The following ARL15 variants were observed in gnomAD, a reference collection of about 807,000 sequenced individuals.
ARL15 encodes ADP-ribosylation factor-like protein 15.
A neutral mutation model predicts 25.2 loss-of-function variants in ARL15; 19 were observed. The observed-to-expected ratio is 0.75, with a 90% CI of 0.53 to 1.10. The LOEUF is 1.10. Among genes scored for constraint, ARL15 ranks in the 50% least tolerant of loss-of-function variants. The pLI is 0.00. For missense variants in ARL15, 220 were observed against 246.0 expected (o/e 0.89, Z 0.71); for synonymous variants, 94 against 86.8 (o/e 1.08, Z -0.46).
In ARL15 at chr5:54,212,113, ACT is replaced by A. The variant is rs540288124; in HGVS notation, c.49-40187_49-40186del. Among the ~76,000 whole-genome samples the A allele has an allele frequency of 2.8e-3, 429 of 152,178 alleles. 2 individuals are homozygous for A. The highest frequency in any genetic ancestry group is 0.01 in the African/African-American group (417 of 41,526). On this transcript the variant is annotated intron_variant, in intron 1 of 4. Coordinates refer to ENST00000504924, the MANE Select transcript of ARL15 (RefSeq NM_019087.3). ...ATATAGTCTCCGTCACAATTACTCAACTCTGTCATAGCATGAAGGCAGCCACA... is the reference window on the plus strand; with the variant it reads ...ATATAGTCTCCGTCACAATTACTCAACTGTCATAGCATGAAGGCAGCCACA...
At chr5:53,940,642 A>T (rs111792659) in intron 4 of ARL15, among the ~76,000 whole-genome samples, 3 of 152,208 alleles carry the variant, frequency 2.0e-5, no homozygotes, top group Non-Finnish European at 4.4e-5. Flanking sequence ...GCATTTTTCT[A>T]TGCTTAAACA....
chr5:54,270,381 C>T (rs35920), intron 1 of ARL15, among the ~76,000 whole-genome samples: 139,310 of 152,248 alleles, frequency 0.92, 64,467 homozygotes, highest in African/African-American at 0.98. Context: ...ATAGAGTAGT[C>T]GTGAAAGGGG....
At chr5:54,182,759 T>C (rs1328895407) in intron 1 of ARL15, among the ~76,000 whole-genome samples, 1 of 152,188 alleles carries the variant, frequency 6.6e-6, no homozygotes. Context: ...ATTTTCATGA[T>C]ATTGATTCTT....
intron 4 of ARL15, among the ~76,000 whole-genome samples, chr5:54,052,748 C>A (rs942152422): frequency 6.6e-6 from 1 of 152,086 alleles, no homozygotes; most frequent in Non-Finnish European, 1.5e-5. Context: ...CACACACACA[C>A]ACACATGCAC....
At chr5:54,265,364 G>A (rs1425160218) in intron 1 of ARL15, among the ~76,000 whole-genome samples, 3 of 152,266 alleles carry the variant, frequency 2.0e-5, no homozygotes, top group South Asian at 2.1e-4. Flanking sequence ...TTTTGAGCAC[G>A]AGTGCTGCCA....
intron 1 of ARL15, among the ~76,000 whole-genome samples, chr5:54,234,092 T>C (rs1301789966): frequency 1.3e-5 from 2 of 152,188 alleles, no homozygotes; most frequent in Admixed American, 6.5e-5. Flanking sequence ...GCTTCCCTGA[T>C]TCAAGCAATT....
intron 3 of ARL15, among the ~76,000 whole-genome samples, chr5:54,153,804 A>AAAT (rs1377654372): frequency 6.8e-4 from 103 of 152,316 alleles, no homozygotes; most frequent in African/African-American, 2.4e-3. Context: ...TCACAGTTAG[A>AAAT]ATGACCTTAA....
At chr5:54,106,504 C>T (rs1354553490) in intron 4 of ARL15, among the ~76,000 whole-genome samples, 1 of 151,944 alleles carries the variant, frequency 6.6e-6, no homozygotes, top group Non-Finnish European at 1.5e-5. Context: ...CGCATAAATC[C>T]CTGATATCAA....
chr5:54,074,862 A>C (rs968993467), intron 4 of ARL15, among the ~76,000 whole-genome samples: 1 of 151,966 alleles, frequency 6.6e-6, no homozygotes, highest in African/African-American at 2.4e-5. Flanking sequence ...TTTAAATTAA[A>C]TGAGTCCATT....
chr5:54,035,035 AC>A (rs1423053726), intron 4 of ARL15, among the ~76,000 whole-genome samples: 1 of 152,052 alleles, frequency 6.6e-6, no homozygotes, highest in Non-Finnish European at 1.5e-5. Context: ...AAACACATGC[AC>A]CCTTTGAAAA....
At chr5:54,101,031 T>A (rs1752418689) in intron 4 of ARL15, among the ~76,000 whole-genome samples, 1 of 152,028 alleles carries the variant, frequency 6.6e-6, no homozygotes, top group Admixed American at 6.6e-5. Flanking sequence ...AGAAATACAT[T>A]TTCTATAGAA....
intron 4 of ARL15, among the ~76,000 whole-genome samples, chr5:53,921,915 T>A (rs1745871060): frequency 1.3e-5 from 2 of 152,218 alleles, no homozygotes; most frequent in Admixed American, 1.3e-4. Context: ...TCTTTCCCTT[T>A]TAAAACAAAA....
At chr5:53,919,653 G>A (rs1300990731) in intron 4 of ARL15, among the ~76,000 whole-genome samples, 1 of 107,798 alleles carries the variant, frequency 9.3e-6, no homozygotes, top group Admixed American at 8.5e-5. Flanking sequence ...AGCAGCTGCT[G>A]CCATGGTCTA....
At chr5:54,229,332 A>G (rs895252540) in intron 1 of ARL15, among the ~76,000 whole-genome samples, 7 of 152,176 alleles carry the variant, frequency 4.6e-5, no homozygotes, top group African/African-American at 1.7e-4. Flanking sequence ...AGATGGTAAT[A>G]GTCAAAGTAT....
intron 4 of ARL15, among the ~76,000 whole-genome samples, chr5:53,946,317 G>T (rs187518208): frequency 2.0e-5 from 3 of 152,152 alleles, no homozygotes; most frequent in African/African-American, 4.8e-5. Context: ...AGGCGTAGTG[G>T]CATGCAAGTG....
intron 4 of ARL15, among the ~76,000 whole-genome samples, chr5:53,942,389 G>A (rs1746565616): frequency 6.6e-6 from 1 of 152,132 alleles, no homozygotes; most frequent in Non-Finnish European, 1.5e-5. Context: ...AATCGGTTGA[G>A]AGCTTTGGCT....
chr5:53,907,964 G>C (rs915801453), intron 4 of ARL15, among the ~76,000 whole-genome samples: 2 of 152,064 alleles, frequency 1.3e-5, no homozygotes, highest in African/African-American at 4.8e-5. Context: ...TTTTTCAACA[G>C]TTAACTATCT....
chr5:54,124,599 C>T (rs1561233054), intron 3 of ARL15, among the ~76,000 whole-genome samples: 1 of 152,142 alleles, frequency 6.6e-6, no homozygotes, highest in Non-Finnish European at 1.5e-5. Context: ...AACAAATACA[C>T]AAACACAGTC....
At chr5:54,203,984 T>A (rs1023536213) in intron 1 of ARL15, among the ~76,000 whole-genome samples, 2 of 152,072 alleles carry the variant, frequency 1.3e-5, no homozygotes, top group South Asian at 2.1e-4. Context: ...GCAAACTAAG[T>A]CCCACCTTTG....
Sources: gnomAD v4.1 joint callset for allele counts (sites outside exome capture counted in the v4.1 genomes callset) on GRCh38, gnomAD v4.1.1 for gene constraint, MANE v1.5 for transcripts, NCBI Gene and HGNC (gene_info 2026-07-23, HGNC 2026-07-21) for gene names.